The following MPDZ variants were observed in gnomAD, a reference collection of about 807,000 sequenced individuals.
MPDZ encodes multiple PDZ domain protein.
In MPDZ, 234 loss-of-function variants were observed where a neutral mutation model predicts 239.1. The observed-to-expected ratio is 0.98, with a 90% confidence interval of 0.88 to 1.09. The LOEUF (loss-of-function observed/expected upper bound fraction) is 1.09, where lower values mean the gene tolerates loss of function less well. Among genes scored for constraint, MPDZ ranks in the 50% least tolerant of loss-of-function variants. The pLI, the probability that MPDZ is intolerant of heterozygous loss-of-function variation, is 0.00. For synonymous variants in MPDZ, 1,048 were observed against 881.3 expected, an observed-to-expected ratio of 1.19 and a Z score of -3.35; for missense variants, 3,175 against 2,510.0, an observed-to-expected ratio of 1.26 and a Z score of -5.66.
intron 3 of MPDZ, among the ~76,000 whole-genome samples, chr9:13,245,850 C>G (rs1966470797): frequency 6.6e-6 from 1 of 152,122 alleles, no homozygotes; most frequent in Non-Finnish European, 1.5e-5. Context: ...TATTTGTCCC[C>G]TCCTTTCATG....
chr9:13,117,878 C>G (rs1210355366), intron 39 of MPDZ, among the ~76,000 whole-genome samples: 3 of 134,426 alleles, frequency 2.2e-5, no homozygotes, highest in Admixed American at 7.9e-5. Context: ...GAGTTTCACT[C>G]TTATTGCCCA....
intron 1 of MPDZ, among the ~76,000 whole-genome samples, chr9:13,267,991 G>A (rs1414733225): frequency 6.6e-6 from 1 of 152,116 alleles, no homozygotes; most frequent in Non-Finnish European, 1.5e-5. Context: ...CACTTTCCTT[G>A]TGACTCAGTT....
At chr9:13,268,765 GAC>G (rs1458028858) in intron 1 of MPDZ, among the ~76,000 whole-genome samples, 2 of 152,204 alleles carry the variant, frequency 1.3e-5, no homozygotes, top group East Asian at 3.9e-4. Flanking sequence ...ATAATTTGAT[GAC>G]AGTGAGGCTG....
At position 13,113,998 on chromosome 9, in the gene MPDZ, A is replaced by T; in HGVS notation, c.5490T>A (p.Ser1830=). 6.3e-7 allele frequency: 1 copy of T among 1,596,762 alleles called. No homozygotes were observed. The highest frequency in any genetic ancestry group is 8.5e-7 in the Non-Finnish European group (1 of 1,170,948). ...TGGATCCAGAGAGTGGAAAAGTGAA[A>T]GATGACAGGCTGCCTTCACTCACCT... ...SSQVSEGSLS[S]FTFPLSGSST... The change falls in exon 41 of 47, where the codon TCT becomes TCA. Residue 1830 remains serine (S), a synonymous_variant. Transcript: ENST00000319217.
chr9:13,126,063 A>G (rs1388142333), intron 34 of MPDZ, among the ~76,000 whole-genome samples: 1 of 152,204 alleles, frequency 6.6e-6, no homozygotes, highest in East Asian at 1.9e-4. Flanking sequence ...GAGATACCAA[A>G]TAAGTATTAA....
At chr9:13,270,554 G>C (rs1199259434) in intron 1 of MPDZ, among the ~76,000 whole-genome samples, 1 of 150,106 alleles carries the variant, frequency 6.7e-6, no homozygotes, top group Non-Finnish European at 1.5e-5. Context: ...ATTTTGGAGA[G>C]CTTTTTTTTT....
chr9:13,151,075 A>G (rs1291262966), intron 24 of MPDZ, among the ~76,000 whole-genome samples: 2 of 152,054 alleles, frequency 1.3e-5, no homozygotes, highest in Admixed American at 6.6e-5. Flanking sequence ...AATATTATGG[A>G]AATACAAATC....
intron 17 of MPDZ, among the ~76,000 whole-genome samples, chr9:13,188,512 CATCAATCAATCA>C (rs555300354): frequency 1.3e-5 from 2 of 151,816 alleles, no homozygotes; most frequent in Non-Finnish European, 2.9e-5. Context: ...AGCAAGGCTC[CATCAATCAATCA>C]ATCAATCAAT....
chr9:13,210,205 G>T (rs926148310), intron 10 of MPDZ, among the ~76,000 whole-genome samples: 5 of 151,982 alleles, frequency 3.3e-5, no homozygotes, highest in Admixed American at 1.3e-4. Flanking sequence ...TTGTGGAAAA[G>T]AAATTACAAA....
At chr9:13,135,887 G>A in intron 31 of MPDZ, 1 of 413,828 alleles carries the variant, frequency 2.4e-6, no homozygotes, top group Non-Finnish European at 4.3e-6. Context: ...CTATTCCCTA[G>A]GCAGACTACA....
chr9:13,181,634 A>T (rs753391051), intron 19 of MPDZ, among the ~76,000 whole-genome samples: 6 of 152,172 alleles, frequency 3.9e-5, no homozygotes, highest in Non-Finnish European at 8.8e-5. Context: ...ACAAAAGAGT[A>T]AACTGCTTGG....
At chr9:13,174,938 A>T (rs1251662545) in intron 21 of MPDZ, among the ~76,000 whole-genome samples, 3 of 152,190 alleles carry the variant, frequency 2.0e-5, no homozygotes, top group Non-Finnish European at 4.4e-5. Flanking sequence ...AAATCTCAAA[A>T]CTTAACAAGG....
intron 22 of MPDZ, 46 bp from the exon 23 acceptor site, chr9:13,162,841 G>A: frequency 7.3e-7 from 1 of 1,375,152 alleles, no homozygotes; most frequent in African/African-American, 1.4e-5. Context: ...ATAATATTTT[G>A]CCTAATTGTT....
chr9:13,252,618 C>T (rs536839667), intron 1 of MPDZ, among the ~76,000 whole-genome samples: 1 of 150,738 alleles, frequency 6.6e-6, no homozygotes, highest in East Asian at 2.0e-4. Context: ...TGCCTGTAAT[C>T]CCAGCAAATA....
intron 1 of MPDZ, among the ~76,000 whole-genome samples, chr9:13,268,704 C>T (rs1473713233): frequency 6.6e-6 from 1 of 152,152 alleles, no homozygotes; most frequent in Non-Finnish European, 1.5e-5. Context: ...AAAGGCATTT[C>T]TCACTAAGGG....
chr9:13,178,210 G>C (rs1952770953), intron 19 of MPDZ, among the ~76,000 whole-genome samples: 2 of 146,012 alleles, frequency 1.4e-5, no homozygotes, highest in African/African-American at 5.0e-5. Context: ...AGTTAGCCCA[G>C]ATTGTGCCAC....
At chr9:13,165,561 C>T (rs761396194) in intron 22 of MPDZ, 1 of 723,002 alleles carries the variant, frequency 1.4e-6, no homozygotes. Context: ...CCCATCTACA[C>T]CTCCCCCAGA....
intron 1 of MPDZ, among the ~76,000 whole-genome samples, chr9:13,274,947 C>G (rs1973841016): frequency 1.3e-5 from 2 of 152,178 alleles, no homozygotes; most frequent in African/African-American, 2.4e-5. Context: ...AATTAATGCT[C>G]TGTCCACAAA....
intron 32 of MPDZ, among the ~76,000 whole-genome samples, 174 bp downstream of exon 32, chr9:13,133,650 G>C (rs369163482): frequency 1.3e-5 from 2 of 152,184 alleles, no homozygotes; most frequent in South Asian, 4.1e-4. Context: ...CCCAACCCTA[G>C]AGTTTCTCAT....
Sources: allele counts gnomAD v4.1 joint callset (sites outside exome capture counted in the v4.1 genomes callset), GRCh38; gene constraint gnomAD v4.1.1; transcripts MANE v1.5; gene names NCBI Gene and HGNC (gene_info 2026-07-23, HGNC 2026-07-21).